ABCA12: variants seen among roughly 807,000 people sequenced by gnomAD.
The protein encoded by ABCA12 is glucosylceramide transporter ABCA12.
In ABCA12, 156 loss-of-function variants were observed where a neutral mutation model predicts 293.5. That is an observed-to-expected ratio of 0.53 (90% CI 0.47 to 0.61). The LOEUF is 0.61. Ranked by LOEUF, ABCA12 falls within the 20% of genes least tolerant of loss-of-function variation. The pLI is 0.00. For synonymous variants in ABCA12, 1,063 were observed against 1,108.0 expected, an observed-to-expected ratio of 0.96 and a Z score of 0.81; for missense variants, 2,797 against 3,090.2, an observed-to-expected ratio of 0.91 and a Z score of 2.25.
chr2:214,983,693 T>G lies in ABCA12; in HGVS notation c.4336A>C (p.Lys1446Gln). The change falls in exon 29 of 53, where the codon AAA becomes CAA. Residue 1446 changes from lysine (K) to glutamine (Q), a missense_variant. Lys to Gln is a moderately conservative substitution (Grantham distance 53). Transcript: ENST00000272895. ...KEHLLLYGSI[K>Q]VPHWTKKQLH... is the part of the protein sequence containing the mutation. ...TGCTTTTTAGTCCAGTGAGGAACTT[T>G]GATGGAACCATATAGGAGAAGGTGC... 6.2e-7 allele frequency: 1 copy of G among 1,614,128 alleles called. No homozygotes were observed.
In ABCA12 at chr2:214,986,635, G is replaced by T; in HGVS notation, c.4070C>A (p.Ser1357Ter). The change falls in exon 28 of 53, where the codon TCA becomes TAA. Residue 1357 changes from serine to a stop codon, truncating the protein, a stop_gained. Transcript: ENST00000272895. LOFTEE classifies it high-confidence loss of function. ...ALHGVTKIYGSKVAVDNLNLN... is the reference protein window; with the variant it reads ...ALHGVTKIYG ...ATTGAGGTTATCAACAGCAACTTTT[G>T]AGCCATAGATCTTTGTGACCCCATG... The T allele has an allele frequency of 6.2e-7, 1 of 1,614,052 alleles. No homozygotes were observed. Among genetic ancestry groups the T allele is most frequent in the Non-Finnish European group, 8.5e-7 (1 of 1,179,988 alleles).
chr2:215,033,351 A>G (rs1375340316), intron 8 of ABCA12, among the ~76,000 whole-genome samples: 1 of 152,192 alleles, frequency 6.6e-6, no homozygotes, highest in Non-Finnish European at 1.5e-5. Flanking sequence ...GCTCACTTTG[A>G]ACTCCTATGT....
intron 6 of ABCA12, 27 bp from the exon 7 acceptor site, chr2:215,046,042 C>A: frequency 1.9e-6 from 3 of 1,605,144 alleles, no homozygotes; most frequent in Non-Finnish European, 2.6e-6. Context: ...ACAAACAGAG[C>A]AAAATGAGAC....
rs202197627 is a variant in ABCA12, at chr2:214,952,210, C to CT, written c.6648-1128dup. On this transcript the variant is annotated intron_variant, in intron 44 of 52. Transcript: ENST00000272895. ...GTCAGTCTCCAAATACTGGAAATGC[C>CT]TTTTTTTTGTTGTTTTTTTTTTTTT... 1.8e-3 allele frequency among the ~76,000 whole-genome samples: 244 copies of CT among 132,218 alleles called. 1 individual carries two copies. Among genetic ancestry groups the CT allele is most frequent in the Middle Eastern group, 0.012 (3 of 260 alleles). The allele number at this position is 132,218 out of a possible 152,430, so 86.7% of individuals were successfully genotyped here. A position where few individuals can be genotyped will look rare whatever the true frequency, so the allele number is the denominator to read the frequency against.
intron 23 of ABCA12, among the ~76,000 whole-genome samples, chr2:214,993,948 G>C (rs1360000607): frequency 6.6e-6 from 1 of 152,100 alleles, no homozygotes; most frequent in Non-Finnish European, 1.5e-5. Context: ...TCAGATTCCA[G>C]TCCCAGGAAT....
intron 28 of ABCA12, among the ~76,000 whole-genome samples, chr2:214,984,647 C>G (rs1464363700): frequency 6.6e-6 from 1 of 152,146 alleles, no homozygotes. Flanking sequence ...AAGCCACACC[C>G]TCATTGATTT....
At chr2:215,065,608 G>A (rs189137206) in intron 2 of ABCA12, among the ~76,000 whole-genome samples, 14 of 151,970 alleles carry the variant, frequency 9.2e-5, no homozygotes, top group African/African-American at 2.9e-4. Flanking sequence ...TAAAGATGGC[G>A]GAAAAAGCTG....
At chr2:214,972,878 G>T (rs897451084) in intron 36 of ABCA12, among the ~76,000 whole-genome samples, 2 of 152,048 alleles carry the variant, frequency 1.3e-5, no homozygotes, top group African/African-American at 4.8e-5. Flanking sequence ...ACCCAGGCTG[G>T]AGTGCAGTGG....
chr2:214,948,753 CA>C lies in ABCA12; in HGVS notation c.6963-17del. 6.2e-7 allele frequency: 1 copy of C among 1,613,810 alleles called. No homozygotes were observed. The highest frequency in any genetic ancestry group is 8.5e-7 in the Non-Finnish European group (1 of 1,179,912). On this transcript the variant is annotated splice_polypyrimidine_tract_variant and intron_variant, in intron 46 of 52. Transcript: ENST00000272895. ...ACCCAGAGATCTGAATTGAGAGAAT[CA>C]AAAACACAGATGAATTTCAAAAGAT...
At chr2:215,135,128 A>G (rs1424130062) in intron 1 of ABCA12, among the ~76,000 whole-genome samples, 2 of 151,938 alleles carry the variant, frequency 1.3e-5, no homozygotes, top group Non-Finnish European at 1.5e-5. Context: ...CCACCCAGCT[A>G]ATTTTTGTAT....
rs1311338186 is a variant in ABCA12 at position 215,007,823 on chromosome 2, C to T, written c.2496G>A (p.Leu832=). The change falls in exon 19 of 53, where the codon CTG becomes CTA. Residue 832 remains leucine (L), a synonymous_variant. Coordinates refer to ENST00000272895, the MANE Select transcript of ABCA12 (RefSeq NM_173076.3). ...CTTGAGATTTTTCTCTTAATTCCGC[C>T]AGCTGTCTCAGAGTTACATTGGACT... ...MEKSNVTLRQ[L]AELREKSQEW... is the part of the protein sequence containing the mutation. The T allele has an allele frequency of 1.9e-6, 3 of 1,613,958 alleles. No individual in the cohort carries two copies. The highest frequency in any genetic ancestry group is 2.5e-6 in the Non-Finnish European group (3 of 1,179,914).
intron 44 of ABCA12, among the ~76,000 whole-genome samples, chr2:214,952,057 C>CAA (rs60347424): frequency 3.8e-5 from 5 of 132,786 alleles, no homozygotes; most frequent in African/African-American, 1.6e-4. Context: ...TAACAAATAC[C>CAA]AAAAAAAAAA....
chr2:214,981,565 C>T (rs1699654912), intron 30 of ABCA12, among the ~76,000 whole-genome samples: 1 of 152,086 alleles, frequency 6.6e-6, no homozygotes, highest in African/African-American at 2.4e-5. Context: ...TCACAGCGGG[C>T]AGTACATAGA....
intron 29 of ABCA12, among the ~76,000 whole-genome samples, chr2:214,983,381 G>A (rs1699712406): frequency 6.6e-6 from 1 of 152,122 alleles, no homozygotes; most frequent in African/African-American, 2.4e-5. Flanking sequence ...CTTGGACCAG[G>A]GTAGTAGCCA....
chr2:215,040,541 G>T (rs1004259704), intron 7 of ABCA12, among the ~76,000 whole-genome samples: 1 of 152,178 alleles, frequency 6.6e-6, no homozygotes, highest in Non-Finnish European at 1.5e-5. Flanking sequence ...GGGCGCGGTG[G>T]CTCACACCTG....
intron 42 of ABCA12, among the ~76,000 whole-genome samples, chr2:214,956,249 A>G (rs1267343376): frequency 6.6e-6 from 1 of 152,212 alleles, no homozygotes; most frequent in Non-Finnish European, 1.5e-5. Flanking sequence ...GTCCTTATAC[A>G]TCTATAAAAA....
At chr2:215,118,864 T>G (rs1249128463) in intron 1 of ABCA12, among the ~76,000 whole-genome samples, 1 of 152,228 alleles carries the variant, frequency 6.6e-6, no homozygotes, top group Non-Finnish European at 1.5e-5. Flanking sequence ...GATTATTTGT[T>G]TTTTGCTGTT....
intron 7 of ABCA12, among the ~76,000 whole-genome samples, chr2:215,043,229 T>C (rs986042458): frequency 3.3e-5 from 5 of 152,214 alleles, no homozygotes; most frequent in Non-Finnish European, 5.9e-5. Context: ...TTGAGAAATA[T>C]CTATTCAGAT....
chr2:214,948,952 C>G (rs1276220056), intron 46 of ABCA12, 88 bp downstream of exon 46: 4 of 1,314,380 alleles, frequency 3.0e-6, no homozygotes, highest in Non-Finnish European at 3.3e-6. Context: ...AATAATATAA[C>G]CACAAAATAA....
Sources: allele counts gnomAD v4.1 joint callset (sites outside exome capture counted in the v4.1 genomes callset), GRCh38; gene constraint gnomAD v4.1.1; transcripts MANE v1.5; gene names NCBI Gene and HGNC (gene_info 2026-07-23, HGNC 2026-07-21).